Variants in CALN1 observed in about 807,000 individuals in gnomAD.
The protein encoded by CALN1 is calneuron 1, also known as calcium-binding protein 8.
CALN1 carries 17 observed loss-of-function variants against 30.6 expected under a neutral mutation model. The observed-to-expected ratio is 0.56, with a 90% CI of 0.38 to 0.83. CALN1 has a LOEUF of 0.83. Ranked by LOEUF, CALN1 falls within the 40% of genes least tolerant of loss-of-function variation. CALN1 has a pLI of 0.00. For missense variants in CALN1, 291 were observed against 354.9 expected (o/e 0.82, Z 1.45); for synonymous variants, 156 against 131.4 (o/e 1.19, Z -1.28).
At chr7:72,159,444 G>A (rs1787946879) in intron 3 of CALN1, among the ~76,000 whole-genome samples, 1 of 152,020 alleles carries the variant, frequency 6.6e-6, no homozygotes, top group African/African-American at 2.4e-5. Context: ...AGGCTGCAGA[G>A]AACTATGACC....
At chr7:72,167,037 GA>G (rs1011729569) in intron 3 of CALN1, among the ~76,000 whole-genome samples, 3 of 147,482 alleles carry the variant, frequency 2.0e-5, no homozygotes, top group Non-Finnish European at 4.5e-5. Context: ...CTGTCTCAAG[GA>G]AAAAAAAAGA....
At chr7:72,250,043 T>C (rs1795450686) in intron 3 of CALN1, among the ~76,000 whole-genome samples, 1 of 152,086 alleles carries the variant, frequency 6.6e-6, no homozygotes, top group African/African-American at 2.4e-5. Context: ...AGATGGGCTC[T>C]TTCACAATTC....
chr7:72,047,771 T>C (rs1450274882), intron 4 of CALN1, among the ~76,000 whole-genome samples: 1 of 152,104 alleles, frequency 6.6e-6, no homozygotes, highest in Non-Finnish European at 1.5e-5. Flanking sequence ...TGCTCGGCCT[T>C]GGGGATACTG....
chr7:72,326,182 C>T (rs755471160), intron 2 of CALN1, among the ~76,000 whole-genome samples: 14 of 152,168 alleles, frequency 9.2e-5, no homozygotes, highest in South Asian at 6.2e-4. Context: ...GGATTACAGG[C>T]GTGAGCCATC....
At chr7:72,387,283 AGGGAGGGAGGGAGGG>A (rs1562939137) in intron 2 of CALN1, among the ~76,000 whole-genome samples, 6 of 40,900 alleles carry the variant, frequency 1.5e-4, no homozygotes, top group African/African-American at 6.0e-4. Context: ...GAAGGGAGGG[AGGGAGGGAGGGAGGG>A]AGGGAGGGAG....
At chr7:71,864,752 A>G (rs1416005443) in intron 5 of CALN1, among the ~76,000 whole-genome samples, 2 of 152,210 alleles carry the variant, frequency 1.3e-5, no homozygotes, top group Non-Finnish European at 2.9e-5. Flanking sequence ...CTGTAATCCC[A>G]GAAATTTGGG....
intron 2 of CALN1, among the ~76,000 whole-genome samples, chr7:72,330,034 T>G (rs1240288273): frequency 1.3e-5 from 2 of 151,964 alleles, no homozygotes; most frequent in African/African-American, 4.8e-5. Flanking sequence ...CTTATACCTG[T>G]AATCCCAGCA....
chr7:72,147,847 G>A (rs1181262343), intron 3 of CALN1, among the ~76,000 whole-genome samples: 2 of 146,648 alleles, frequency 1.4e-5, no homozygotes, highest in African/African-American at 5.1e-5. Flanking sequence ...CTATCGCAAG[G>A]ACAAAAAACC....
At chr7:71,860,688 G>A (rs1791220460) in intron 5 of CALN1, among the ~76,000 whole-genome samples, 1 of 152,146 alleles carries the variant, frequency 6.6e-6, no homozygotes, top group African/African-American at 2.4e-5. Context: ...ACACAGCAAA[G>A]AAACACCAGG....
intron 3 of CALN1, among the ~76,000 whole-genome samples, chr7:72,237,305 G>A (rs562891708): frequency 9.9e-5 from 15 of 152,172 alleles, no homozygotes; most frequent in South Asian, 2.1e-4. Context: ...TTATTATACC[G>A]GTAAGGGAAG....
chr7:72,278,012 G>GA (rs1554348537), intron 3 of CALN1, among the ~76,000 whole-genome samples: 1 of 138,636 alleles, frequency 7.2e-6, no homozygotes, highest in African/African-American at 2.7e-5. Flanking sequence ...CTATTCCGGG[G>GA]GGGGGGGACT....
At chr7:72,336,282 G>A (rs1802028371) in intron 2 of CALN1, among the ~76,000 whole-genome samples, 1 of 152,138 alleles carries the variant, frequency 6.6e-6, no homozygotes, top group East Asian at 1.9e-4. Context: ...GGGCTGCGGT[G>A]CGGCTCCGAG....
rs1004646429 is a variant in CALN1 at position 72,324,260 on chromosome 7, C to T, written c.120-45450G>A. 2.6e-5 allele frequency among the ~76,000 whole-genome samples: 4 copies of T among 152,188 alleles called. No homozygotes were observed. In the South Asian group the frequency reaches 8.3e-4, roughly 32 times the overall value. On this transcript the variant is annotated intron_variant, in intron 2 of 6. Transcript: ENST00000395275. ...AGTTTGAGAACCACTGAATTAAAAT[C>T]TCTGCTTCAGATTCTAGCACTCAAA...
At chr7:72,236,463 T>A (rs1034617) in intron 3 of CALN1, among the ~76,000 whole-genome samples, 103,091 of 152,096 alleles carry the variant, frequency 0.68, 35,449 homozygotes, top group East Asian at 1. Context: ...TGGAGGCTCA[T>A]ATATGTTCGT....
At chr7:72,382,224 G>A (rs1273866949) in intron 2 of CALN1, among the ~76,000 whole-genome samples, 5 of 152,166 alleles carry the variant, frequency 3.3e-5, no homozygotes, top group South Asian at 2.1e-4. Flanking sequence ...GCTATATCCA[G>A]GGAGATTAGC....
chr7:72,237,842 T>C (rs1464648436), intron 3 of CALN1, among the ~76,000 whole-genome samples: 1 of 152,212 alleles, frequency 6.6e-6, no homozygotes, highest in African/African-American at 2.4e-5. Context: ...GAATGAGGCA[T>C]GTTTAACAAG....
intron 2 of CALN1, among the ~76,000 whole-genome samples, chr7:72,286,512 C>T (rs1798089183): frequency 1.3e-5 from 2 of 152,144 alleles, no homozygotes; most frequent in African/African-American, 4.8e-5. Flanking sequence ...CAGAAGGCCT[C>T]AAATAACCCA....
At chr7:72,358,209 G>A (rs1018829479) in intron 2 of CALN1, among the ~76,000 whole-genome samples, 1 of 151,812 alleles carries the variant, frequency 6.6e-6, no homozygotes, top group African/African-American at 2.4e-5. Flanking sequence ...CCCAGGCACT[G>A]GTCTCAAATG....
rs574957155 is a variant in CALN1, at chr7:72,218,879, T to C, written c.244+59807A>G. Among the ~76,000 whole-genome samples the C allele has an allele frequency of 2.0e-5, 3 of 152,232 alleles. No homozygotes were observed. The South Asian group carries it at 6.2e-4, about 32-fold the overall frequency. On this transcript the variant is annotated intron_variant, in intron 3 of 6. Coordinates refer to ENST00000395275, the MANE Select transcript of CALN1 (RefSeq NM_031468.4). ...TTCTGTAGCACCTAGGCTATCTTCATCTAATCTGATCTGGCCGGCAGGTAA... is the reference window on the plus strand; with the variant it reads ...TTCTGTAGCACCTAGGCTATCTTCACCTAATCTGATCTGGCCGGCAGGTAA...
Sources: gnomAD v4.1 joint callset for allele counts (sites outside exome capture counted in the v4.1 genomes callset) on GRCh38, gnomAD v4.1.1 for gene constraint, MANE v1.5 for transcripts, NCBI Gene and HGNC (gene_info 2026-07-23, HGNC 2026-07-21) for gene names.